Variants in DMXL1 observed in about 807,000 individuals in gnomAD.
The protein encoded by DMXL1 is Dmx like 1.
Under a neutral mutation model 319.2 loss-of-function variants are expected in DMXL1, and 99 were observed. The observed-to-expected ratio is 0.31, with a 90% CI of 0.26 to 0.37. The LOEUF (loss-of-function observed/expected upper bound fraction) is 0.37, where lower values mean the gene tolerates loss of function less well. Among genes scored for constraint, DMXL1 ranks in the 10% least tolerant of loss-of-function variants. DMXL1 has a pLI of 1.00. For missense variants in DMXL1, 3,745 were observed against 3,595.6 expected, an observed-to-expected ratio of 1.04 and a Z score of -1.06; for synonymous variants, 1,385 against 1,235.2, an observed-to-expected ratio of 1.12 and a Z score of -2.54.
chr5:119,205,886 A>C (rs1781654554), intron 33 of DMXL1, among the ~76,000 whole-genome samples: 1 of 152,072 alleles, frequency 6.6e-6, no homozygotes, highest in South Asian at 2.1e-4. Context: ...ATTTTAGTCA[A>C]AGTCACTGTG....
intron 34 of DMXL1, among the ~76,000 whole-genome samples, chr5:119,211,154 A>G (rs1388460797): frequency 6.6e-6 from 1 of 151,958 alleles, no homozygotes; most frequent in Non-Finnish European, 1.5e-5. Flanking sequence ...CTTTTTATAT[A>G]TAGTTACATT....
chr5:119,189,591 C>G (rs529598801), intron 28 of DMXL1, 117 bp from the exon 29 acceptor site: 4 of 916,964 alleles, frequency 4.4e-6, no homozygotes, highest in Middle Eastern at 3.2e-4. Flanking sequence ...TTCATAATCT[C>G]AATCTTATTT....
At chr5:119,242,907 A>C (rs552588732) in intron 42 of DMXL1, among the ~76,000 whole-genome samples, 2 of 152,370 alleles carry the variant, frequency 1.3e-5, no homozygotes, top group East Asian at 3.9e-4. Flanking sequence ...CATATAAAAA[A>C]TTGAACCCAG....
At chr5:119,123,268 G>A (rs1011035225) in intron 9 of DMXL1, among the ~76,000 whole-genome samples, 7 of 151,518 alleles carry the variant, frequency 4.6e-5, no homozygotes, top group African/African-American at 1.5e-4. Flanking sequence ...GTCCAGCTTC[G>A]GCTCGGCATC....
intron 1 of DMXL1, among the ~76,000 whole-genome samples, chr5:119,078,172 G>T (rs969791527): frequency 6.6e-6 from 1 of 152,154 alleles, no homozygotes; most frequent in Non-Finnish European, 1.5e-5. Flanking sequence ...TAAAGATGAG[G>T]TCTTGCTGTG....
chr5:119,109,130 C>G (rs1759007808), intron 4 of DMXL1, among the ~76,000 whole-genome samples: 1 of 152,086 alleles, frequency 6.6e-6, no homozygotes, highest in Non-Finnish European at 1.5e-5. Flanking sequence ...GTTAATTAAC[C>G]AGGTTTAATA....
chr5:119,122,433 C>T (rs1293118906), intron 9 of DMXL1, among the ~76,000 whole-genome samples: 12 of 146,744 alleles, frequency 8.2e-5, no homozygotes, highest in East Asian at 4.1e-4. Context: ...GCTGGCCGGG[C>T]GGGGGGCTAA....
In DMXL1 at chr5:119,167,756, A is replaced by G. The variant is rs1010515668; in HGVS notation, c.5290A>G (p.Ile1764Val). The change falls in exon 23 of 44, where the codon ATA becomes GTA. Residue 1764 changes from isoleucine (I) to valine (V), a missense_variant. By Grantham distance (29) the Ile-to-Val change is conservative. Transcript: ENST00000539542. ...TGTCAGTGAACTGTGTTCATTGAAC[A>G]TAAATATGCATCATGATCCTTTTCT... ...SPVSELCSLN[I>V]NMHHDPFLRS... 5 of 1,613,582 alleles carry G rather than the reference A, an allele frequency of 3.1e-6. No homozygotes were observed. Among genetic ancestry groups the G allele is most frequent in the African/African-American group, 1.3e-5 (1 of 74,924 alleles).
chr5:119,138,864 C>T (rs1350614869), intron 13 of DMXL1: 2 of 152,124 alleles, frequency 1.3e-5, no homozygotes, highest in Non-Finnish European at 1.5e-5. Flanking sequence ...AATGTGTGCT[C>T]ACTTCAGCAG....
At chr5:119,131,735 A>G (rs780950654) in intron 10 of DMXL1, among the ~76,000 whole-genome samples, 54 of 152,194 alleles carry the variant, frequency 3.5e-4, no homozygotes, top group Non-Finnish European at 6.0e-4. Flanking sequence ...CCAGTAATCC[A>G]CTGACTCAGT....
At chr5:119,228,948 T>C (rs1786126350) in intron 38 of DMXL1, among the ~76,000 whole-genome samples, 1 of 151,992 alleles carries the variant, frequency 6.6e-6, no homozygotes. Context: ...TTAATAATAA[T>C]GTTAATATTA....
At chr5:119,160,687 A>C (rs572710481) in intron 19 of DMXL1, among the ~76,000 whole-genome samples, 12 of 152,238 alleles carry the variant, frequency 7.9e-5, no homozygotes, top group Middle Eastern at 3.4e-3. Flanking sequence ...TCGAAGTCTA[A>C]GTGCCTCTGT....
At chr5:119,150,581 G>A (rs1769553321) in intron 18 of DMXL1, among the ~76,000 whole-genome samples, 160 bp downstream of exon 18, 1 of 151,870 alleles carries the variant, frequency 6.6e-6, no homozygotes, top group Non-Finnish European at 1.5e-5. Context: ...TTGAACCTAG[G>A]AGTTTAAGAC....
intron 28 of DMXL1, 102 bp from the exon 29 acceptor site, chr5:119,189,606 G>A: frequency 1.0e-6 from 1 of 1,004,214 alleles, no homozygotes; most frequent in Admixed American, 2.5e-5. Context: ...TTATTTTTTT[G>A]TGTGTGCTTA....
chr5:119,235,841 C>T lies in DMXL1; in HGVS notation c.8467-1481C>T, dbSNP rs73247072. 1.8e-3 allele frequency among the ~76,000 whole-genome samples: 269 copies of T among 152,158 alleles called. 1 individual carries two copies. Among genetic ancestry groups the T allele is most frequent in the African/African-American group, 5.9e-3 (247 of 41,552 alleles). ...AAGGAATGGGAACTGAGTCGATGTG[C>T]ATCCAAACTATCATTCAAATTTGCT... On this transcript the variant is annotated intron_variant, in intron 39 of 43. Transcript: ENST00000539542.
intron 7 of DMXL1, among the ~76,000 whole-genome samples, chr5:119,117,055 G>T (rs923563275): frequency 6.6e-6 from 1 of 152,014 alleles, no homozygotes; most frequent in South Asian, 2.1e-4. Context: ...TTGAGACAGG[G>T]TCTTGCTTTG....
intron 19 of DMXL1, among the ~76,000 whole-genome samples, chr5:119,161,213 T>G (rs1455849897): frequency 6.6e-6 from 1 of 152,078 alleles, no homozygotes; most frequent in Non-Finnish European, 1.5e-5. Flanking sequence ...TGCCTTTAGG[T>G]TCTGAGGTTG....
intron 13 of DMXL1, among the ~76,000 whole-genome samples, chr5:119,136,300 C>T (rs1232123779): frequency 6.6e-6 from 1 of 152,188 alleles, no homozygotes; most frequent in Non-Finnish European, 1.5e-5. Flanking sequence ...TGAATGCATT[C>T]AGTTATATGT....
chr5:119,178,349 G>A (rs1184433369), intron 28 of DMXL1, 105 bp downstream of exon 28: 11 of 1,283,660 alleles, frequency 8.6e-6, no homozygotes, highest in Non-Finnish European at 1.2e-5. Flanking sequence ...TCTGGTTAGA[G>A]ACCATTTGCG....
Sources: gnomAD v4.1 joint callset for allele counts (sites outside exome capture counted in the v4.1 genomes callset) on GRCh38, gnomAD v4.1.1 for gene constraint, MANE v1.5 for transcripts, NCBI Gene and HGNC (gene_info 2026-07-23, HGNC 2026-07-21) for gene names.